Variants in EPB41 observed in about 807,000 individuals in gnomAD.
The protein encoded by EPB41 is erythrocyte membrane protein band 4.1.
A neutral mutation model predicts 108.0 loss-of-function variants in EPB41; 65 were observed. The observed-to-expected ratio is 0.60, with a 90% CI of 0.49 to 0.74. The LOEUF (loss-of-function observed/expected upper bound fraction) is 0.74, where lower values mean the gene tolerates loss of function less well. Among genes scored for constraint, EPB41 ranks in the 30% least tolerant of loss-of-function variants. The pLI, the probability that EPB41 is intolerant of heterozygous loss-of-function variation, is 0.00. For missense variants in EPB41, 875 were observed against 1,037.0 expected, an observed-to-expected ratio of 0.84 and a Z score of 2.15; for synonymous variants, 336 against 358.9, an observed-to-expected ratio of 0.94 and a Z score of 0.72.
At chr1:28,888,207 G>T (rs1260491211) in intron 1 of EPB41, among the ~76,000 whole-genome samples, 1 of 152,252 alleles carries the variant, frequency 6.6e-6, no homozygotes, top group Admixed American at 6.5e-5. Context: ...CCAGAAGGAG[G>T]AGGCTTGGAC....
chr1:29,092,949 G>A (rs564927009), intron 16 of EPB41, among the ~76,000 whole-genome samples: 1 of 152,150 alleles, frequency 6.6e-6, no homozygotes, highest in African/African-American at 2.4e-5. Flanking sequence ...TATCTAATTT[G>A]CGATTGATGG....
intron 9 of EPB41, among the ~76,000 whole-genome samples, chr1:29,034,666 A>G (rs1001574149): frequency 3.3e-5 from 5 of 152,230 alleles, no homozygotes; most frequent in Admixed American, 6.5e-5. Context: ...CAGTGTTTCT[A>G]GTAACCCTGG....
intron 15 of EPB41, among the ~76,000 whole-genome samples, chr1:29,061,588 T>G (rs1482044442): frequency 7.1e-6 from 1 of 140,134 alleles, no homozygotes; most frequent in Non-Finnish European, 1.5e-5. Flanking sequence ...TTTTTTTTTT[T>G]TTTTTTTTTT....
At chr1:29,016,109 G>GT (rs1025383145) in intron 6 of EPB41, among the ~76,000 whole-genome samples, 2 of 151,864 alleles carry the variant, frequency 1.3e-5, no homozygotes, top group African/African-American at 2.4e-5. Context: ...TGACTCTACT[G>GT]TTTTTTTTGT....
At chr1:28,925,618 G>T (rs939781507) in intron 1 of EPB41, among the ~76,000 whole-genome samples, 1 of 152,086 alleles carries the variant, frequency 6.6e-6, no homozygotes, top group African/African-American at 2.4e-5. Flanking sequence ...AGCTGTGCAG[G>T]TATCTGGGGA....
At chr1:28,909,473 AAAAT>A (rs1443331544) in intron 1 of EPB41, among the ~76,000 whole-genome samples, 1 of 151,696 alleles carries the variant, frequency 6.6e-6, no homozygotes, top group Non-Finnish European at 1.5e-5. Flanking sequence ...ATATCTTGAA[AAAAT>A]AAATAAATAA....
chr1:29,039,432 T>C lies in EPB41; in HGVS notation c.1636+6T>C. ...GTCCCGGAGCCTCGATGGAGGTTTG[T>C]ATTGAATATTAATGATTTCTTGTGA... On this transcript the variant is annotated splice_donor_region_variant and intron_variant, in intron 11 of 20. Coordinates refer to ENST00000343067, the MANE Select transcript of EPB41 (RefSeq NM_001376013.1). The C allele has an allele frequency of 6.2e-7, 1 of 1,613,712 alleles. No homozygotes were observed. Among genetic ancestry groups the C allele is most frequent in the Non-Finnish European group, 8.5e-7 (1 of 1,179,918 alleles).
chr1:28,998,813 C>T (rs775752596), intron 4 of EPB41, among the ~76,000 whole-genome samples: 2 of 152,112 alleles, frequency 1.3e-5, no homozygotes, highest in Admixed American at 6.5e-5. Flanking sequence ...CAAATGTTCT[C>T]ATCACAAGGT....
At chr1:29,057,148 G>T (rs1306201151) in intron 12 of EPB41, among the ~76,000 whole-genome samples, 1 of 151,758 alleles carries the variant, frequency 6.6e-6, no homozygotes, top group Non-Finnish European at 1.5e-5. Flanking sequence ...CGGCTGAGGC[G>T]GGCGGATCAC....
At chr1:29,116,333 G>A (rs1245990663) in intron 20 of EPB41, among the ~76,000 whole-genome samples, 1 of 151,934 alleles carries the variant, frequency 6.6e-6, no homozygotes, top group Non-Finnish European at 1.5e-5. Flanking sequence ...ATTTTTAGTA[G>A]AGACGGGGTT....
intron 16 of EPB41, chr1:29,070,360 G>A: frequency 1.6e-6 from 2 of 1,232,004 alleles, no homozygotes; most frequent in Non-Finnish European, 1.0e-6. Flanking sequence ...TACTGTGAAA[G>A]CAGACACAGG....
chr1:29,105,391 C>T (rs1666791071), intron 17 of EPB41, among the ~76,000 whole-genome samples: 1 of 152,080 alleles, frequency 6.6e-6, no homozygotes, highest in African/African-American at 2.4e-5. Flanking sequence ...GTGCCCACCA[C>T]TTCACCTGGC....
At chr1:29,091,762 A>G (rs899603328) in intron 16 of EPB41, among the ~76,000 whole-genome samples, 82 of 152,196 alleles carry the variant, frequency 5.4e-4, no homozygotes, top group African/African-American at 1.9e-3. Context: ...TCAGTCTTTC[A>G]GTTCCATCTT....
rs539284411 is a variant in EPB41, at chr1:29,013,547, A to G, written c.829+1640A>G. Among the ~76,000 whole-genome samples the G allele has an allele frequency of 5.3e-5, 8 of 152,102 alleles. No individual in the cohort carries two copies. In the East Asian group the frequency reaches 9.7e-4, roughly 18 times the overall value. ...TGTTTGTTTATTTGTTTGTTTTGAGATGGAGTTTCGCTCTTGTTGTCCAGG... is the reference window on the plus strand; with the variant it reads ...TGTTTGTTTATTTGTTTGTTTTGAGGTGGAGTTTCGCTCTTGTTGTCCAGG... On this transcript the variant is annotated intron_variant, in intron 5 of 20. Transcript: ENST00000343067.
chr1:28,985,338 A>G (rs2095850250), intron 1 of EPB41, among the ~76,000 whole-genome samples: 1 of 152,046 alleles, frequency 6.6e-6, no homozygotes, highest in African/African-American at 2.4e-5. Flanking sequence ...AAAAAAAAAT[A>G]TGTCAAGGTT....
chr1:28,998,379 G>A (rs747818204), intron 4 of EPB41, among the ~76,000 whole-genome samples: 6 of 152,158 alleles, frequency 3.9e-5, no homozygotes, highest in African/African-American at 7.2e-5. Context: ...TCCAGGTTGC[G>A]GGGTGGGTGT....
At chr1:29,027,259 C>A (rs968762330) in intron 7 of EPB41, among the ~76,000 whole-genome samples, 1 of 151,972 alleles carries the variant, frequency 6.6e-6, no homozygotes. Flanking sequence ...CTCAGCCTCC[C>A]AAGTAGCTGT....
chr1:28,973,167 T>C (rs569520908), intron 1 of EPB41, among the ~76,000 whole-genome samples: 14 of 152,304 alleles, frequency 9.2e-5, no homozygotes, highest in African/African-American at 3.4e-4. Context: ...ATTTTCTTTC[T>C]GTCTGAAAGA....
At chr1:28,905,569 C>T (rs1296791277) in intron 1 of EPB41, among the ~76,000 whole-genome samples, 1 of 151,924 alleles carries the variant, frequency 6.6e-6, no homozygotes, top group East Asian at 1.9e-4. Context: ...AGAAGGTGAC[C>T]ATCTGCCAGC....
Sources: gnomAD v4.1 joint callset for allele counts (sites outside exome capture counted in the v4.1 genomes callset) on GRCh38, gnomAD v4.1.1 for gene constraint, MANE v1.5 for transcripts, NCBI Gene and HGNC (gene_info 2026-07-23, HGNC 2026-07-21) for gene names.